Variants in GTF2H1 observed in about 807,000 individuals in gnomAD.
GTF2H1 encodes BTF2 p62.
A neutral mutation model predicts 71.2 loss-of-function variants in GTF2H1; 16 were observed. The ratio of observed to expected loss-of-function variants is 0.22; its 90% CI spans 0.15 to 0.34. The LOEUF (loss-of-function observed/expected upper bound fraction) is 0.34, where lower values mean the gene tolerates loss of function less well. Ranked by LOEUF, GTF2H1 falls within the 10% of genes least tolerant of loss-of-function variation. The pLI, the probability that GTF2H1 is intolerant of heterozygous loss-of-function variation, is 1.00. For synonymous variants in GTF2H1, 215 were observed against 219.0 expected (o/e 0.98, Z 0.16); for missense variants, 498 against 648.2 (o/e 0.77, Z 2.52).
At chr11:18,345,252 G>C (rs1164927279) in intron 7 of GTF2H1, among the ~76,000 whole-genome samples, 1 of 151,980 alleles carries the variant, frequency 6.6e-6, no homozygotes, top group Non-Finnish European at 1.5e-5. Context: ...CTTCAGAGAG[G>C]CTTTCTCTAA....
intron 7 of GTF2H1, chr11:18,347,047 G>A (rs906042589): frequency 1.3e-5 from 2 of 150,126 alleles, no homozygotes; most frequent in South Asian, 2.1e-4. Flanking sequence ...TTTATTTAAC[G>A]TTTTGATAAC....
intron 1 of GTF2H1, among the ~76,000 whole-genome samples, chr11:18,323,818 G>A (rs1864661423): frequency 6.6e-6 from 1 of 152,190 alleles, no homozygotes; most frequent in Admixed American, 6.5e-5. Context: ...GAAAACCACT[G>A]AACTGGACTT....
At chr11:18,351,557 G>A (rs1298316031) in intron 9 of GTF2H1, 1 of 161,630 alleles carries the variant, frequency 6.2e-6, no homozygotes, top group African/African-American at 2.4e-5. Context: ...TTTTTAAAAA[G>A]TACCCAATAT....
At position 18,365,820 on chromosome 11, in the gene GTF2H1, A is replaced by G. The variant is rs777504099; in HGVS notation, c.1598A>G (p.Tyr533Cys). 1 of 1,613,930 alleles carries G rather than the reference A, an allele frequency of 6.2e-7. No individual in the cohort carries two copies. Among genetic ancestry groups the G allele is most frequent in the Non-Finnish European group, 8.5e-7 (1 of 1,179,796 alleles). ...ATAGAAGAGATGCTCCAGACAGCCTACAACAAGCTCCACACATGGCAGTCA... is the reference window on the plus strand; with the variant it reads ...ATAGAAGAGATGCTCCAGACAGCCTGCAACAAGCTCCACACATGGCAGTCA... ...SHIEEMLQTAYNKLHTWQSRR... is the reference protein window; with the variant it reads ...SHIEEMLQTACNKLHTWQSRR... The change falls in exon 15 of 15, where the codon TAC becomes TGC. Residue 533 changes from tyrosine (Y) to cysteine (C), a missense_variant. By Grantham distance (194) the Tyr-to-Cys change is radical (BLOSUM62 -2). Coordinates refer to ENST00000265963, the MANE Select transcript of GTF2H1 (RefSeq NM_005316.4).
At chr11:18,340,397 A>C (rs1286322887) in intron 5 of GTF2H1, among the ~76,000 whole-genome samples, 1 of 151,668 alleles carries the variant, frequency 6.6e-6, no homozygotes, top group East Asian at 1.9e-4. Context: ...AAGTGATTCT[A>C]CTGCCTCCGC....
Position 18,343,555 on chromosome 11 carries a change from C to G in GTF2H1, c.837+1948C>G, listed in dbSNP as rs564774704. Among the ~76,000 whole-genome samples the G allele has an allele frequency of 2.6e-5, 4 of 152,084 alleles. No individual in the cohort carries two copies. In the South Asian group the frequency reaches 8.3e-4, roughly 32 times the overall value. ...GCATTCTCTCTATTCCATTGCTTTA[C>G]TAGATATGGGGAACAGGGGAGGGAG... On this transcript the variant is annotated intron_variant, in intron 7 of 14. Coordinates refer to ENST00000265963, the MANE Select transcript of GTF2H1 (RefSeq NM_005316.4).
At chr11:18,342,631 A>G (rs1865186991) in intron 7 of GTF2H1, among the ~76,000 whole-genome samples, 1 of 152,196 alleles carries the variant, frequency 6.6e-6, no homozygotes, top group Non-Finnish European at 1.5e-5. Flanking sequence ...AGAAGTGAAG[A>G]AGAATCTATA....
chr11:18,355,195 T>C (rs895454310), intron 11 of GTF2H1, among the ~76,000 whole-genome samples: 1 of 151,670 alleles, frequency 6.6e-6, no homozygotes, highest in African/African-American at 2.4e-5. Flanking sequence ...CAGGCTGGAG[T>C]GCAGTGGCAT....
In GTF2H1 at chr11:18,358,589, A is replaced by C. The variant is rs1313491255; in HGVS notation, c.1416A>C (p.Leu472=). 6.2e-7 allele frequency: 1 copy of C among 1,613,122 alleles called. No individual in the cohort carries two copies. The highest frequency in any genetic ancestry group is 2.2e-5 in the East Asian group (1 of 44,836). The change falls in exon 13 of 15, where the codon CTA becomes CTC. Residue 472 remains leucine, a synonymous_variant. Coordinates refer to ENST00000265963, the MANE Select transcript of GTF2H1 (RefSeq NM_005316.4). ...KHLYVAVGEL[L]RHFWSCFPVN... is the part of the protein sequence containing the mutation. Reference sequence around the variant, plus strand: ...TATATGTAGCTGTTGGAGAACTTCTACGACATTTCTGGTCCTGCTTTCCTG... The same window carrying C: ...TATATGTAGCTGTTGGAGAACTTCTCCGACATTTCTGGTCCTGCTTTCCTG...
At chr11:18,336,052 T>C in intron 3 of GTF2H1, 106 bp downstream of exon 3, 1 of 758,454 alleles carries the variant, frequency 1.3e-6, no homozygotes, top group Non-Finnish European at 2.1e-6. Flanking sequence ...GTTTTGGTTT[T>C]GGTTTTTTGT....
intron 5 of GTF2H1, among the ~76,000 whole-genome samples, chr11:18,340,496 C>G (rs573462300): frequency 6.6e-6 from 1 of 152,088 alleles, no homozygotes; most frequent in Non-Finnish European, 1.5e-5. Context: ...CCCTGTTGGC[C>G]AGGCTGGTCT....
intron 1 of GTF2H1, among the ~76,000 whole-genome samples, chr11:18,328,079 C>G (rs1387505081): frequency 6.6e-6 from 1 of 151,840 alleles, no homozygotes; most frequent in Non-Finnish European, 1.5e-5. Flanking sequence ...GCATGTGCCT[C>G]TAACCCCTAG....
At chr11:18,356,567 A>G (rs568903601) in intron 11 of GTF2H1, among the ~76,000 whole-genome samples, 39 of 152,078 alleles carry the variant, frequency 2.6e-4, no homozygotes, top group South Asian at 6.3e-4. Flanking sequence ...GTAGACCCAC[A>G]TAACTTTTGT....
Position 18,351,938 on chromosome 11 carries a change from A to G in GTF2H1, c.1111A>G (p.Thr371Ala). The G allele has an allele frequency of 1.3e-6, 2 of 1,598,228 alleles. No individual in the cohort carries two copies. Among genetic ancestry groups the G allele is most frequent in the East Asian group, 2.2e-5 (1 of 44,676 alleles). Residue 371 changes from threonine (T) to alanine (A), a missense_variant, in exon 10 of 15, where the codon ACG becomes GCG. Physicochemically the swap from Thr to Ala is moderately conservative, Grantham distance 58. Around this residue, in one of 3 missense-constraint regions of GTF2H1, gnomAD observed 266 missense variants for 301.6 expected, o/e 0.88. Transcript: ENST00000265963. ...CTTGGGGAAAAATAATTCTGTAAAA[A>G]CGATTGCACTAAACCTCAAGAAGTC... ...EDLGKNNSVK[T>A]IALNLKKSDR...
intron 11 of GTF2H1, among the ~76,000 whole-genome samples, chr11:18,353,930 A>AT (rs1283618729): frequency 1.3e-5 from 2 of 152,250 alleles, no homozygotes; most frequent in Non-Finnish European, 2.9e-5. Flanking sequence ...TCTAGTCTAT[A>AT]TATCTTACTA....
At chr11:18,324,081 G>A (rs1329214532) in intron 1 of GTF2H1, among the ~76,000 whole-genome samples, 9 of 148,208 alleles carry the variant, frequency 6.1e-5, no homozygotes, top group Non-Finnish European at 1.2e-4. Flanking sequence ...ACGGAGTTTT[G>A]CTCTTGTTGC....
chr11:18,354,751 G>A (rs1376273834), intron 11 of GTF2H1, among the ~76,000 whole-genome samples: 1 of 152,080 alleles, frequency 6.6e-6, no homozygotes, highest in African/African-American at 2.4e-5. Context: ...ATTTATATCA[G>A]CATGGATTCA....
At chr11:18,342,055 G>A (rs1439640096) in intron 7 of GTF2H1, 1 of 155,084 alleles carries the variant, frequency 6.4e-6, no homozygotes, top group African/African-American at 2.4e-5. Flanking sequence ...AGGCCATCAT[G>A]TATGACCTAC....
chr11:18,333,275 C>CTAGTAAT, intron 2 of GTF2H1, 47 bp downstream of exon 2: 2 of 1,351,462 alleles, frequency 1.5e-6, no homozygotes, highest in Non-Finnish European at 2.1e-6. Context: ...GTCATAGTTG[C>CTAGTAAT]TAGTAATTTT....
Sources: allele counts gnomAD v4.1 joint callset (sites outside exome capture counted in the v4.1 genomes callset), GRCh38; gene constraint gnomAD v4.1.1; regional missense constraint gnomAD v4.1.1; transcripts MANE v1.5; gene names NCBI Gene and HGNC (gene_info 2026-07-23, HGNC 2026-07-21).